The following KAZN variants were observed in gnomAD, a reference collection of about 807,000 sequenced individuals.
KAZN encodes the protein kazrin, periplakin interacting protein.
In KAZN, 40 loss-of-function variants were observed where a neutral mutation model predicts 87.4. The ratio of observed to expected loss-of-function variants is 0.46; its 90% confidence interval spans 0.36 to 0.60. KAZN has a LOEUF of 0.60. Ranked by LOEUF, KAZN falls within the 20% of genes least tolerant of loss-of-function variation. KAZN has a pLI of 0.00. For missense variants in KAZN, 898 were observed against 1,073.9 expected, an observed-to-expected ratio of 0.84 and a Z score of 2.29; for synonymous variants, 466 against 458.3, an observed-to-expected ratio of 1.02 and a Z score of -0.22.
intron 4 of KAZN, among the ~76,000 whole-genome samples, chr1:15,048,863 GTTGGT>G (rs1673972848): frequency 6.9e-6 from 1 of 145,048 alleles, no homozygotes; most frequent in African/African-American, 2.7e-5. Flanking sequence ...GTCCTTGGTC[GTTGGT>G]CCTGGGTCGT....
chr1:14,029,250 T>A (rs1264853343), intron 1 of KAZN, among the ~76,000 whole-genome samples: 15 of 93,110 alleles, frequency 1.6e-4, no homozygotes, highest in Non-Finnish European at 3.2e-4. Context: ...TTTCATGTGT[T>A]TTTTGGCTGC....
chr1:14,198,204 A>C (rs1177896956), intron 2 of KAZN, among the ~76,000 whole-genome samples: 1 of 152,210 alleles, frequency 6.6e-6, no homozygotes, highest in Non-Finnish European at 1.5e-5. Context: ...TCCAAGAGCA[A>C]TAGAAGCCAC....
intron 1 of KAZN, among the ~76,000 whole-genome samples, chr1:14,904,656 T>C (rs947443138): frequency 5.3e-5 from 8 of 152,226 alleles, no homozygotes; most frequent in African/African-American, 1.9e-4. Context: ...AACTGAGTCA[T>C]TTCCCACCCA....
At chr1:14,469,086 G>A (rs1668311937) in intron 2 of KAZN, among the ~76,000 whole-genome samples, 1 of 152,114 alleles carries the variant, frequency 6.6e-6, no homozygotes, top group Non-Finnish European at 1.5e-5. Flanking sequence ...CTTTGAAAAT[G>A]CTTCTCTCAT....
chr1:14,715,650 G>A (rs1320996765), intron 1 of KAZN, among the ~76,000 whole-genome samples: 1 of 152,156 alleles, frequency 6.6e-6, no homozygotes, highest in East Asian at 1.9e-4. Context: ...ACCTCTTAGG[G>A]CCTAATACAG....
chr1:14,893,917 C>T (rs1385355572), intron 1 of KAZN, among the ~76,000 whole-genome samples: 9 of 152,118 alleles, frequency 5.9e-5, no homozygotes, highest in Non-Finnish European at 1.2e-4. Context: ...AAAGAAGACA[C>T]ATCTGAAATA....
intron 1 of KAZN, among the ~76,000 whole-genome samples, chr1:14,811,530 T>C: frequency 6.6e-6 from 1 of 152,246 alleles, no homozygotes; most frequent in East Asian, 1.9e-4. Context: ...TTTCTTTGGC[T>C]AAGAATCATT....
At chr1:14,878,012 G>C (rs990399243) in intron 1 of KAZN, among the ~76,000 whole-genome samples, 3 of 152,136 alleles carry the variant, frequency 2.0e-5, no homozygotes, top group Non-Finnish European at 2.9e-5. Flanking sequence ...AAGTGGCAAA[G>C]TGGAAAGACG....
chr1:14,273,161 G>A (rs1208222767), intron 2 of KAZN, among the ~76,000 whole-genome samples: 1 of 151,976 alleles, frequency 6.6e-6, no homozygotes, highest in East Asian at 1.9e-4. Context: ...ATAGATGAGG[G>A]TGTGTTGGCT....
At chr1:13,938,325 A>G (rs1640815734) in intron 1 of KAZN, among the ~76,000 whole-genome samples, 2 of 152,104 alleles carry the variant, frequency 1.3e-5, no homozygotes, top group South Asian at 4.1e-4. Flanking sequence ...TCTCTGCTTG[A>G]TCATTCCTGG....
chr1:14,625,646 G>A (rs1178774254), intron 1 of KAZN, among the ~76,000 whole-genome samples: 6 of 152,214 alleles, frequency 3.9e-5, no homozygotes, highest in Middle Eastern at 3.2e-3. Flanking sequence ...GAAGCTAAAA[G>A]CGTTACTTTA....
rs576826085 is a variant in KAZN, at chr1:14,680,198, C to T, written c.226+80975C>T. On this transcript the variant is annotated intron_variant, in intron 1 of 14. Coordinates refer to ENST00000376030, the MANE Select transcript of KAZN (RefSeq NM_201628.3). ...GTGAAATGCACAGATCTTAAATGTACGGTTTGATGAGTTTTGACAAGTGCA... is the reference window on the plus strand; with the variant it reads ...GTGAAATGCACAGATCTTAAATGTATGGTTTGATGAGTTTTGACAAGTGCA... Among the ~76,000 whole-genome samples the T allele has an allele frequency of 6.6e-5, 10 of 152,218 alleles. 1 individual carries two copies. Among genetic ancestry groups the T allele is most frequent in the African/African-American group, 2.2e-4 (9 of 41,556 alleles).
At chr1:14,612,245 G>A (rs1045831330) in intron 1 of KAZN, among the ~76,000 whole-genome samples, 20 of 152,224 alleles carry the variant, frequency 1.3e-4, no homozygotes, top group Admixed American at 1.1e-3. Context: ...ACTTGCTGCC[G>A]CTCAGTGGTT....
At chr1:14,666,833 G>A (rs1226453698) in intron 1 of KAZN, among the ~76,000 whole-genome samples, 1 of 152,102 alleles carries the variant, frequency 6.6e-6, no homozygotes, top group African/African-American at 2.4e-5. Flanking sequence ...AGCCTCCTGG[G>A]TTCAAGTGAC....
At chr1:14,558,264 G>C (rs1351202300) in intron 2 of KAZN, among the ~76,000 whole-genome samples, 1 of 152,144 alleles carries the variant, frequency 6.6e-6, no homozygotes, top group African/African-American at 2.4e-5. Context: ...TACACTAGTC[G>C]CCAAAATGAA....
intron 1 of KAZN, among the ~76,000 whole-genome samples, chr1:13,921,964 C>T (rs1640086209): frequency 6.6e-6 from 1 of 152,122 alleles, no homozygotes; most frequent in African/African-American, 2.4e-5. Context: ...AGTCTATGAT[C>T]AGGTCATGAG....
intron 1 of KAZN, among the ~76,000 whole-genome samples, chr1:13,930,028 C>T (rs574938804): frequency 1.7e-3 from 259 of 152,282 alleles, no homozygotes; most frequent in African/African-American, 6.0e-3. Context: ...TTAACCATTT[C>T]CCCCTACTGC....
chr1:14,091,738 T>C (rs1325052777), intron 1 of KAZN, among the ~76,000 whole-genome samples: 1 of 152,170 alleles, frequency 6.6e-6, no homozygotes, highest in African/African-American at 2.4e-5. Flanking sequence ...AAAATGCACA[T>C]GGTCATGTAT....
chr1:14,974,473 G>A (rs773124423), intron 2 of KAZN, among the ~76,000 whole-genome samples: 62 of 152,206 alleles, frequency 4.1e-4, no homozygotes, highest in Non-Finnish European at 7.9e-4. Flanking sequence ...CCACTCCTGA[G>A]TGTTTACTCA....
Sources: gnomAD v4.1 joint callset for allele counts (sites outside exome capture counted in the v4.1 genomes callset) on GRCh38, gnomAD v4.1.1 for gene constraint, MANE v1.5 for transcripts, NCBI Gene and HGNC (gene_info 2026-07-23, HGNC 2026-07-21) for gene names.